Variants in MSR1 observed in about 807,000 individuals in gnomAD.
MSR1 encodes the protein macrophage scavenger receptor 1.
Under a neutral mutation model 47.2 loss-of-function variants are expected in MSR1, and 53 were observed. That is an observed-to-expected ratio of 1.12 (90% confidence interval 0.90 to 1.41). MSR1 has a LOEUF of 1.41. MSR1 is among the 40% of genes most tolerant of loss of function. MSR1 has a pLI of 0.00. For synonymous variants in MSR1, 239 were observed against 185.6 expected (o/e 1.29, Z -2.34); for missense variants, 786 against 546.9 (o/e 1.44, Z -4.36).
At chr8:16,117,886 T>C (rs1799912227) in intron 9 of MSR1, among the ~76,000 whole-genome samples, 1 of 152,186 alleles carries the variant, frequency 6.6e-6, no homozygotes. Context: ...TATATTACAG[T>C]ATAATAATAA....
intron 3 of MSR1, among the ~76,000 whole-genome samples, chr8:16,171,532 A>T (rs1467762254): frequency 6.6e-6 from 1 of 152,144 alleles, no homozygotes; most frequent in African/African-American, 2.4e-5. Context: ...TATTAAATTC[A>T]TTGTGGGGAC....
intron 8 of MSR1, chr8:16,140,724 C>T (rs1195866758): frequency 5.3e-5 from 73 of 1,384,502 alleles, no homozygotes; most frequent in Non-Finnish European, 6.5e-5. Flanking sequence ...GCCCTCCAGT[C>T]CGTGCATGAG....
At chr8:16,141,209 C>G (rs1800548654) in intron 8 of MSR1, 2 of 722,672 alleles carry the variant, frequency 2.8e-6, no homozygotes, top group South Asian at 1.9e-5. Flanking sequence ...TAAATTGGTA[C>G]AAGCTTTTAG....
chr8:16,154,684 C>T (rs970440), intron 6 of MSR1, among the ~76,000 whole-genome samples: 10,113 of 151,846 alleles, frequency 0.067, 689 homozygotes, highest in East Asian at 0.33. Context: ...ATTTATTCAA[C>T]GCAAAGATAA....
chr8:16,133,829 A>G lies in MSR1; in HGVS notation c.1033+9729T>C, dbSNP rs551082089. 2.6e-5 allele frequency among the ~76,000 whole-genome samples: 4 copies of G among 152,276 alleles called. 1 individual carries two copies. The South Asian group carries it at 6.2e-4, about 24-fold the overall frequency. On this transcript the variant is annotated intron_variant, in intron 8 of 9. Coordinates refer to ENST00000262101, the MANE Select transcript of MSR1 (RefSeq NM_138715.3). Reference sequence around the variant, plus strand: ...CACTGAAAGCTCTGCTGTTGTCTGCAGCTGATCTGGACACAATAGTTTTGG... The same window carrying G: ...CACTGAAAGCTCTGCTGTTGTCTGCGGCTGATCTGGACACAATAGTTTTGG...
chr8:16,149,529 G>A (rs1402324755), intron 7 of MSR1, among the ~76,000 whole-genome samples: 2 of 151,876 alleles, frequency 1.3e-5, no homozygotes, highest in Admixed American at 1.3e-4. Flanking sequence ...CACTTGGCCC[G>A]ACTCTATTCT....
intron 8 of MSR1, 195 bp from the exon 9 acceptor site, chr8:16,120,801 GC>G: frequency 2.9e-6 from 2 of 697,024 alleles, no homozygotes; most frequent in Non-Finnish European, 4.6e-6. Context: ...AAATATTGCA[GC>G]TTTAACAGCT....
intron 9 of MSR1, among the ~76,000 whole-genome samples, chr8:16,117,634 T>C (rs941823331): frequency 2.0e-5 from 3 of 152,158 alleles, no homozygotes; most frequent in African/African-American, 7.2e-5. Flanking sequence ...ACAAAAGCAC[T>C]GAAAAGCCTG....
At position 16,168,560 on chromosome 8, in the gene MSR1, G is replaced by A; in HGVS notation, c.528C>T (p.Ile176=). ...TATTCAAACTTATTAAGGACTTGGAGATTTCATCTATTGCATTCCCATGTC... is the reference window on the plus strand; with the variant it reads ...TATTCAAACTTATTAAGGACTTGGAAATTTCATCTATTGCATTCCCATGTC... ...VQGHGNAIDE[I]SKSLISLNTT... Residue 176 remains isoleucine, a synonymous_variant, in exon 4 of 10, where the codon ATC becomes ATT. Transcript: ENST00000262101. The A allele has an allele frequency of 6.2e-7, 1 of 1,614,078 alleles. No individual in the cohort carries two copies. The highest frequency in any genetic ancestry group is 1.1e-5 in the South Asian group (1 of 91,082).
chr8:16,134,015 G>A (rs2117090621), intron 8 of MSR1, among the ~76,000 whole-genome samples: 1 of 152,178 alleles, frequency 6.6e-6, no homozygotes, highest in African/African-American at 2.4e-5. Flanking sequence ...AAATTGACGT[G>A]GATAGTCAGC....
At chr8:16,185,897 G>T (rs1439973254) in intron 1 of MSR1, among the ~76,000 whole-genome samples, 2 of 149,246 alleles carry the variant, frequency 1.3e-5, no homozygotes, top group East Asian at 3.9e-4. Context: ...ATGATATTCA[G>T]TGGGTGAGTA....
rs180990512 is a variant in MSR1 at position 16,169,254 on chromosome 8, T to C, written c.218-384A>G. ...GTGGACTAATGCTTAATACAGTTTC[T>C]GAAGTAAGCATGTTGAATATGTTAA... On this transcript the variant is annotated intron_variant, in intron 3 of 9. Transcript: ENST00000262101. Among the ~76,000 whole-genome samples the C allele has an allele frequency of 1.4e-4, 21 of 152,338 alleles. No homozygotes were observed. In the East Asian group the frequency reaches 4.0e-3, roughly 29 times the overall value.
chr8:16,188,993 TA>T (rs1157547483), intron 1 of MSR1, among the ~76,000 whole-genome samples: 71 of 141,292 alleles, frequency 5.0e-4, no homozygotes, highest in Non-Finnish European at 3.2e-4. Context: ...TATATATATA[TA>T]TATAAAACAA....
At chr8:16,126,640 AT>A (rs1429595371) in intron 8 of MSR1, among the ~76,000 whole-genome samples, 1 of 152,170 alleles carries the variant, frequency 6.6e-6, no homozygotes, top group East Asian at 1.9e-4. Context: ...TCTCTAGAAA[AT>A]TTCTCTAGAA....
chr8:16,140,669 A>C, intron 8 of MSR1: 3 of 1,268,726 alleles, frequency 2.4e-6, no homozygotes, highest in Non-Finnish European at 3.0e-6. Context: ...TGGGTTCAAG[A>C]CTCTAGGTCA....
chr8:16,167,797 A>G (rs1283970450), intron 4 of MSR1, among the ~76,000 whole-genome samples: 1 of 152,154 alleles, frequency 6.6e-6, no homozygotes, highest in African/African-American at 2.4e-5. Flanking sequence ...ATATTATTCA[A>G]AACTATGGAC....
chr8:16,161,066 G>A (rs73665239), intron 5 of MSR1, among the ~76,000 whole-genome samples: 6,030 of 147,976 alleles, frequency 0.041, 447 homozygotes, highest in African/African-American at 0.14. Flanking sequence ...ATTTAGAATG[G>A]ACTAAGAGCA....
chr8:16,142,597 T>C (rs1190765272), intron 8 of MSR1, among the ~76,000 whole-genome samples: 2 of 152,168 alleles, frequency 1.3e-5, no homozygotes, highest in South Asian at 2.1e-4. Context: ...AAATATGTCA[T>C]ACCTACACAA....
At chr8:16,154,481 C>A (rs1162678197) in intron 6 of MSR1, among the ~76,000 whole-genome samples, 1 of 151,972 alleles carries the variant, frequency 6.6e-6, no homozygotes, top group Non-Finnish European at 1.5e-5. Context: ...TAGTAAAGCA[C>A]AGAGAGTGAC....
Sources: allele counts gnomAD v4.1 joint callset (sites outside exome capture counted in the v4.1 genomes callset), GRCh38; gene constraint gnomAD v4.1.1; transcripts MANE v1.5; gene names NCBI Gene and HGNC (gene_info 2026-07-23, HGNC 2026-07-21).